AGMO: variants seen among roughly 807,000 people sequenced by gnomAD.
The protein encoded by AGMO is alkylglycerol monooxygenase.
AGMO carries 75 observed loss-of-function variants against 60.2 expected under a neutral mutation model. The ratio of observed to expected loss-of-function variants is 1.25; its 90% CI spans 1.03 to 1.51. The LOEUF is 1.51. Ranked by LOEUF, AGMO falls within the 40% of genes most tolerant of loss-of-function variation. The pLI is 0.00. For synonymous variants in AGMO, 261 were observed against 177.1 expected (o/e 1.47, Z -3.76); for missense variants, 763 against 525.5 (o/e 1.45, Z -4.42).
the AGMO span, among the ~76,000 whole-genome samples, chr7:15,189,202 C>G: frequency 6.6e-6 from 1 of 151,982 alleles, no homozygotes; most frequent in Admixed American, 6.6e-5. Flanking sequence ...AAACCCAAGA[C>G]AATTAGGGGA....
intron 3 of AGMO, among the ~76,000 whole-genome samples, chr7:15,444,612 T>G (rs1446371851): frequency 2.0e-5 from 3 of 152,210 alleles, no homozygotes; most frequent in African/African-American, 7.2e-5. Context: ...CTCCTGATTC[T>G]CCTCCATCTC....
chr7:15,558,310 A>G (rs931344138), intron 2 of AGMO, among the ~76,000 whole-genome samples: 1 of 152,048 alleles, frequency 6.6e-6, no homozygotes, highest in Non-Finnish European at 1.5e-5. Context: ...ATGCATTCCA[A>G]TTCAGTAAAA....
At chr7:15,199,897 C>T (rs529319662), downstream of AGMO, among the ~76,000 whole-genome samples, 5 of 152,258 alleles carry the variant, frequency 3.3e-5, no homozygotes, top group Admixed American at 2.6e-4. Flanking sequence ...CTCTGCTGTT[C>T]CAGTTTGAAA....
intron 12 of AGMO, among the ~76,000 whole-genome samples, chr7:15,213,053 C>T (rs1461365670): frequency 6.6e-6 from 1 of 151,974 alleles, no homozygotes; most frequent in East Asian, 1.9e-4. Flanking sequence ...TTCTTCCCCT[C>T]ATTGGATTTA....
At position 15,387,527 on chromosome 7, in the gene AGMO, A is replaced by G. The variant is rs1783966026; in HGVS notation, c.836T>C (p.Phe279Ser). The G allele has an allele frequency of 6.2e-7, 1 of 1,610,150 alleles. No homozygotes were observed. Among genetic ancestry groups the G allele is most frequent in the Non-Finnish European group, 8.5e-7 (1 of 1,179,090 alleles). Residue 279 changes from phenylalanine to serine, a missense_variant, in exon 9 of 13, where the codon TTT becomes TCT. Physicochemically the swap from Phe to Ser is radical, Grantham distance 155 (BLOSUM62 -2). Transcript: ENST00000342526. ...GGCCCAGAATGTAGTCCATATGGAAAATAAGTGATGGAACTAGAAACAATA... is the reference window on the plus strand; with the variant it reads ...GGCCCAGAATGTAGTCCATATGGAAGATAAGTGATGGAACTAGAAACAATA... ...EPIKVQFHHL[F>S]SIWTTFWATP... is the part of the protein sequence containing the mutation.
intron 12 of AGMO, among the ~76,000 whole-genome samples, chr7:15,247,724 A>G (rs1031441613): frequency 6.6e-6 from 1 of 152,158 alleles, no homozygotes; most frequent in East Asian, 1.9e-4. Flanking sequence ...TCACTTTATT[A>G]TATACTTTAA....
At chr7:15,534,982 C>T (rs1202296766) in intron 3 of AGMO, among the ~76,000 whole-genome samples, 1 of 151,876 alleles carries the variant, frequency 6.6e-6, no homozygotes, top group Non-Finnish European at 1.5e-5. Context: ...TATCAGACTG[C>T]ACCTTAAGTG....
the AGMO span, among the ~76,000 whole-genome samples, chr7:15,176,189 T>G: frequency 1.3e-5 from 2 of 152,048 alleles, no homozygotes; most frequent in Non-Finnish European, 2.9e-5. Context: ...CATACAGTCA[T>G]TATTTACATT....
intron 12 of AGMO, among the ~76,000 whole-genome samples, chr7:15,229,727 A>AAAT (rs1554398319): frequency 0.11 from 15,569 of 146,344 alleles, 2,771 homozygotes; most frequent in African/African-American, 0.37. Context: ...ATTATATATA[A>AAAT]ATTATATATT....
At chr7:15,325,030 A>G (rs1353536007) in intron 12 of AGMO, among the ~76,000 whole-genome samples, 1 of 152,192 alleles carries the variant, frequency 6.6e-6, no homozygotes, top group African/African-American at 2.4e-5. Context: ...AAAAATTCAA[A>G]TACCTAACAT....
At chr7:15,431,942 A>AT (rs1781253257) in intron 3 of AGMO, among the ~76,000 whole-genome samples, 2 of 150,542 alleles carry the variant, frequency 1.3e-5, no homozygotes, top group South Asian at 4.1e-4. Context: ...AGCCCAAGTC[A>AT]TTTTTTATTC....
intron 3 of AGMO, among the ~76,000 whole-genome samples, chr7:15,509,419 C>CA (rs2128529440): frequency 6.6e-6 from 1 of 151,116 alleles, no homozygotes; most frequent in African/African-American, 2.4e-5. Context: ...ACACAGTACA[C>CA]AAAAATATCA....
intron 3 of AGMO, among the ~76,000 whole-genome samples, chr7:15,496,621 A>G (rs1783240312): frequency 6.6e-6 from 1 of 152,184 alleles, no homozygotes; most frequent in Non-Finnish European, 1.5e-5. Flanking sequence ...CAGATATGAA[A>G]TAACACAAAC....
At chr7:15,471,421 A>G (rs900901944) in intron 3 of AGMO, among the ~76,000 whole-genome samples, 1 of 151,922 alleles carries the variant, frequency 6.6e-6, no homozygotes, top group Non-Finnish European at 1.5e-5. Context: ...CATTCTCTAT[A>G]ACTATAAAAA....
At chr7:15,233,262 A>G (rs1253217136) in intron 12 of AGMO, among the ~76,000 whole-genome samples, 1 of 152,202 alleles carries the variant, frequency 6.6e-6, no homozygotes, top group African/African-American at 2.4e-5. Context: ...AAAATCTGTA[A>G]GGTATCGTGA....
At chr7:15,394,007 T>C (rs1784260803) in intron 6 of AGMO, 106 bp downstream of exon 6, 3 of 609,076 alleles carry the variant, frequency 4.9e-6, no homozygotes, top group Non-Finnish European at 7.9e-6. Flanking sequence ...ATTTGTAAAA[T>C]GTGTGCTGAC....
At chr7:15,242,304 G>C (rs1458603480) in intron 12 of AGMO, among the ~76,000 whole-genome samples, 1 of 152,126 alleles carries the variant, frequency 6.6e-6, no homozygotes, top group Non-Finnish European at 1.5e-5. Context: ...GAAATTTCAA[G>C]ATCATCTAGT....
chr7:15,395,735 G>A lies in AGMO; in HGVS notation c.610-1556C>T, dbSNP rs558710529. Among the ~76,000 whole-genome samples the A allele has an allele frequency of 6.5e-4, 99 of 152,280 alleles. 1 individual carries two copies. The highest frequency in any genetic ancestry group is 3.4e-3 in the Middle Eastern group (1 of 294). On this transcript the variant is annotated intron_variant, in intron 5 of 12. Transcript: ENST00000342526. ...AAAAAGTTTGTTAAAAATTTAAACT[G>A]CTAGTAATGTCCATAAATCCTCACT... is the stretch of plus-strand genomic sequence containing the variant.
intron 12 of AGMO, among the ~76,000 whole-genome samples, chr7:15,361,547 A>AAAAAAAAAAAAAGG (rs1418068575): frequency 1.3e-5 from 1 of 79,686 alleles, no homozygotes; most frequent in East Asian, 4.3e-4. Context: ...CTCAAAAAAA[A>AAAAAAAAAAAAAGG]AAAAAAAGGT....
Sources: allele counts gnomAD v4.1 joint callset (sites outside exome capture counted in the v4.1 genomes callset), GRCh38; gene constraint gnomAD v4.1.1; transcripts MANE v1.5; gene names NCBI Gene and HGNC (gene_info 2026-07-23, HGNC 2026-07-21).